The following ASXL3 variants were observed in gnomAD, a reference collection of about 807,000 sequenced individuals.
ASXL3 encodes putative Polycomb group protein ASXL3.
In ASXL3, 34 loss-of-function variants were observed where a neutral mutation model predicts 170.6. The observed-to-expected ratio is 0.20, with a 90% CI of 0.15 to 0.27. The LOEUF (loss-of-function observed/expected upper bound fraction) is 0.27, where lower values mean the gene tolerates loss of function less well. ASXL3 is among the 10% of genes least tolerant of loss of function. The probability of loss-of-function intolerance (pLI) is 1.00; values close to 1 mark genes in which losing one functional copy is unlikely to be tolerated. For synonymous variants in ASXL3, 1,002 were observed against 989.1 expected (o/e 1.01, Z -0.24); for missense variants, 2,592 against 2,695.3 (o/e 0.96, Z 0.85).
chr18:33,669,076 T>C (rs2066302085), intron 5 of ASXL3, among the ~76,000 whole-genome samples: 1 of 152,192 alleles, frequency 6.6e-6, no homozygotes, highest in Non-Finnish European at 1.5e-5. Context: ...TAATTTAAAT[T>C]GCTATGCTAT....
At chr18:33,663,290 G>A (rs545112639) in intron 5 of ASXL3, among the ~76,000 whole-genome samples, 2 of 152,188 alleles carry the variant, frequency 1.3e-5, no homozygotes, top group East Asian at 3.9e-4. Context: ...AACATAAATG[G>A]GATCATAAAT....
At position 33,739,625 on chromosome 18, in the gene ASXL3, A is replaced by C. The variant is rs1430285243; in HGVS notation, c.2221A>C (p.Thr741Pro). Residue 741 changes from threonine (T) to proline (P), a missense_variant, in exon 11 of 12, where the codon ACT becomes CCT. Thr to Pro is a conservative substitution (Grantham distance 38). This residue lies in a region of ASXL3 where 2,246 missense variants were observed against 2,219.6 expected (regional missense o/e 1.01). Transcript: ENST00000269197. ...VSSMLLTSET[T>P]FVSSLPLPSE... ...TTCCATGCTTCTCACCTCTGAGACC[A>C]CTTTTGTATCCAGTTTGCCACTTCC... The C allele has an allele frequency of 6.2e-7, 1 of 1,613,880 alleles. No homozygotes were observed.
At chr18:33,663,259 T>G (rs1010491494) in intron 5 of ASXL3, among the ~76,000 whole-genome samples, 3 of 152,132 alleles carry the variant, frequency 2.0e-5, no homozygotes, top group African/African-American at 7.2e-5. Context: ...AAATGGACAC[T>G]TGTGGCTGTG....
In ASXL3 at chr18:33,746,155, T is replaced by C. The variant is rs2145435845; in HGVS notation, c.6307T>C (p.Tyr2103His). 4 of 1,613,832 alleles carry C rather than the reference T, an allele frequency of 2.5e-6. No individual in the cohort carries two copies. Among genetic ancestry groups the C allele is most frequent in the Non-Finnish European group, 3.4e-6 (4 of 1,179,884 alleles). The change falls in exon 12 of 12, where the codon TAT becomes CAT. Residue 2103 changes from tyrosine (Y) to histidine (H), a missense_variant. Around this residue, in one of 4 missense-constraint regions of ASXL3, gnomAD observed 2,246 missense variants for 2,219.6 expected, o/e 1.01. Coordinates refer to ENST00000269197, the MANE Select transcript of ASXL3 (RefSeq NM_030632.3). ...TGAACTGGGCATGAAACAAGTTTCC[T>C]ATGACCAGAATGAAATGAAAGAACA... ...SCELGMKQVS[Y>H]DQNEMKEQLK...
At chr18:33,587,162 G>T (rs117397109) in intron 1 of ASXL3, among the ~76,000 whole-genome samples, 2 of 152,096 alleles carry the variant, frequency 1.3e-5, no homozygotes, top group South Asian at 4.1e-4. Flanking sequence ...ACCCCAGGCC[G>T]TAAGAAGCCC....
intron 4 of ASXL3, among the ~76,000 whole-genome samples, chr18:33,661,318 C>T (rs1391781342): frequency 6.6e-6 from 1 of 152,062 alleles, no homozygotes; most frequent in African/African-American, 2.4e-5. Context: ...TACTGACTCC[C>T]AACTCCTGAG....
intron 5 of ASXL3, among the ~76,000 whole-genome samples, chr18:33,664,073 A>G (rs561397099): frequency 6.6e-6 from 1 of 152,282 alleles, no homozygotes; most frequent in African/African-American, 2.4e-5. Flanking sequence ...GCTGATAATT[A>G]GCTGTTATGG....
intron 8 of ASXL3, among the ~76,000 whole-genome samples, chr18:33,714,217 A>G (rs2067127335): frequency 6.6e-6 from 1 of 152,186 alleles, no homozygotes; most frequent in Non-Finnish European, 1.5e-5. Flanking sequence ...TGTAGTGAAG[A>G]AAACATTTAA....
intron 1 of ASXL3, among the ~76,000 whole-genome samples, chr18:33,593,393 C>T (rs1228957578): frequency 1.3e-5 from 2 of 151,604 alleles, no homozygotes; most frequent in African/African-American, 2.4e-5. Context: ...GCTCAGTTAC[C>T]CTCGGGCTGT....
chr18:33,613,250 G>GTCTT (rs1177265843), intron 2 of ASXL3, among the ~76,000 whole-genome samples: 1 of 152,008 alleles, frequency 6.6e-6, no homozygotes, highest in Non-Finnish European at 1.5e-5. Context: ...TCCTAAACAC[G>GTCTT]TCTTTCTTTC....
chr18:33,594,785 C>T (rs1262626895), intron 1 of ASXL3, among the ~76,000 whole-genome samples: 1 of 152,046 alleles, frequency 6.6e-6, no homozygotes, highest in Non-Finnish European at 1.5e-5. Context: ...GTTGACCAGG[C>T]TGGTCTCTCA....
chr18:33,678,071 G>A (rs1412813222), intron 7 of ASXL3, among the ~76,000 whole-genome samples: 18 of 144,920 alleles, frequency 1.2e-4, no homozygotes, highest in Admixed American at 1.1e-3. Context: ...TATTATTTAT[G>A]TATTTATTAT....
chr18:33,747,606 T>C lies in ASXL3; in HGVS notation c.*1011T>C, dbSNP rs978733949. Reference sequence around the variant, plus strand: ...ATTCTGGCTTCAGACCTTGCAGAGGTTGGCCATATCTTTTTAAAAGTGTCA... The same window carrying C: ...ATTCTGGCTTCAGACCTTGCAGAGGCTGGCCATATCTTTTTAAAAGTGTCA... On this transcript the variant is annotated 3_prime_UTR_variant, in exon 12 of 12. Coordinates refer to ENST00000269197, the MANE Select transcript of ASXL3 (RefSeq NM_030632.3). The C allele has an allele frequency of 3.3e-5, 5 of 152,124 alleles. No homozygotes were observed. Among genetic ancestry groups the C allele is most frequent in the Admixed American group, 6.5e-5 (1 of 15,274 alleles). 9.4% of individuals were successfully genotyped at this position (152,124 alleles called of 1,614,324 possible). A position where few individuals can be genotyped will look rare whatever the true frequency, so the allele number is the denominator to read the frequency against.
chr18:33,711,296 T>G (rs540361546), intron 8 of ASXL3, among the ~76,000 whole-genome samples: 9 of 152,230 alleles, frequency 5.9e-5, no homozygotes, highest in African/African-American at 2.2e-4. Flanking sequence ...TGCGCTTGTA[T>G]GCAAATTTGA....
intron 4 of ASXL3, among the ~76,000 whole-genome samples, chr18:33,658,615 A>T (rs1420286183): frequency 6.6e-6 from 1 of 152,128 alleles, no homozygotes; most frequent in East Asian, 1.9e-4. Flanking sequence ...CCAAAGGAAC[A>T]ATCACATACT....
intron 4 of ASXL3, among the ~76,000 whole-genome samples, chr18:33,650,018 C>G (rs2065973349): frequency 1.3e-5 from 2 of 152,058 alleles, no homozygotes; most frequent in African/African-American, 4.8e-5. Flanking sequence ...TTTGCCCAAC[C>G]TGGTGCTGTG....
At chr18:33,651,457 A>G (rs1354295138) in intron 4 of ASXL3, among the ~76,000 whole-genome samples, 1 of 151,938 alleles carries the variant, frequency 6.6e-6, no homozygotes, top group Non-Finnish European at 1.5e-5. Context: ...GAAAAGTTGG[A>G]AAGGAGGGAG....
intron 8 of ASXL3, among the ~76,000 whole-genome samples, chr18:33,691,552 A>C (rs981182769): frequency 2.0e-5 from 3 of 152,162 alleles, no homozygotes; most frequent in African/African-American, 7.2e-5. Flanking sequence ...AAACATATTT[A>C]ATGCCTACAA....
Position 33,661,897 on chromosome 18 carries a change from T to TA in ASXL3, c.477+169dup, listed in dbSNP as rs5823914. Among the ~76,000 whole-genome samples, 5,370 of 151,136 alleles carry TA rather than the reference T, an allele frequency of 0.036. 297 individuals carry two copies. The highest frequency in any genetic ancestry group is 0.12 in the African/African-American group (5,039 of 41,214). ...TCAGTTCAATAATTTTAATCTGTGA[T>TA]AAAAAAAAACTAGGAGAGGCTTGAC... On this transcript the variant is annotated intron_variant, in intron 5 of 11. Coordinates refer to ENST00000269197, the MANE Select transcript of ASXL3 (RefSeq NM_030632.3).
Sources: allele counts gnomAD v4.1 joint callset (sites outside exome capture counted in the v4.1 genomes callset), GRCh38; gene constraint gnomAD v4.1.1; regional missense constraint gnomAD v4.1.1; transcripts MANE v1.5; gene names NCBI Gene and HGNC (gene_info 2026-07-23, HGNC 2026-07-21).